Variants in SH3BGR observed in about 807,000 individuals in gnomAD.
SH3BGR encodes the protein SH3 domain-binding glutamic acid-rich protein.
Under a neutral mutation model 24.5 loss-of-function variants are expected in SH3BGR, and 29 were observed. The observed-to-expected ratio is 1.18, with a 90% confidence interval of 0.88 to 1.61. The LOEUF (loss-of-function observed/expected upper bound fraction) is 1.61, where lower values mean the gene tolerates loss of function less well. Ranked by LOEUF, SH3BGR falls within the 40% of genes most tolerant of loss-of-function variation. The pLI, the probability that SH3BGR is intolerant of heterozygous loss-of-function variation, is 0.00. For missense variants in SH3BGR, 162 were observed against 205.8 expected (o/e 0.79, Z 1.30); for synonymous variants, 55 against 65.7 (o/e 0.84, Z 0.79).
chr21:39,510,365 T>TACGCGCAC (rs1555915353), intron 5 of SH3BGR, among the ~76,000 whole-genome samples: 2,789 of 115,666 alleles, frequency 0.024, 145 homozygotes, highest in African/African-American at 0.084. Flanking sequence ...TGTAGCTACA[T>TACGCGCAC]ACACACACAC....
At chr21:39,449,113 C>T (rs2038123131), upstream of SH3BGR, among the ~76,000 whole-genome samples, 1 of 152,190 alleles carries the variant, frequency 6.6e-6, no homozygotes, top group Admixed American at 6.5e-5. Context: ...CCAAGGTGAA[C>T]ATGGAATGTA....
At chr21:39,452,904 A>G (rs1357378663) in intron 1 of SH3BGR, among the ~76,000 whole-genome samples, 1 of 152,188 alleles carries the variant, frequency 6.6e-6, no homozygotes, top group Non-Finnish European at 1.5e-5. Context: ...GCTTGAACCT[A>G]TATAGTGTCT....
chr21:39,510,775 A>C (rs1245979246), intron 5 of SH3BGR, among the ~76,000 whole-genome samples: 1 of 151,278 alleles, frequency 6.6e-6, no homozygotes, highest in African/African-American at 2.4e-5. Context: ...ATTCCAGATT[A>C]TATATATAGG....
chr21:39,496,449 G>A (rs979760623), intron 3 of SH3BGR, among the ~76,000 whole-genome samples: 7 of 149,078 alleles, frequency 4.7e-5, no homozygotes, highest in Non-Finnish European at 8.9e-5. Flanking sequence ...GCAGTGAGCC[G>A]AGATTGCGCC....
chr21:39,485,530 A>G (rs1481759350), intron 3 of SH3BGR, among the ~76,000 whole-genome samples: 1 of 152,190 alleles, frequency 6.6e-6, no homozygotes, highest in African/African-American at 2.4e-5. Context: ...AAAAATTACT[A>G]TCATCCCTCA....
chr21:39,464,594 G>A (rs1263681970), intron 2 of SH3BGR, among the ~76,000 whole-genome samples: 2 of 152,190 alleles, frequency 1.3e-5, no homozygotes, highest in Non-Finnish European at 2.9e-5. Flanking sequence ...CCAGCAGAGG[G>A]CTATACAAAC....
At chr21:39,486,878 G>A (rs2078220605) in intron 3 of SH3BGR, among the ~76,000 whole-genome samples, 1 of 152,108 alleles carries the variant, frequency 6.6e-6, no homozygotes, top group Admixed American at 6.5e-5. Flanking sequence ...ACCACGTCCA[G>A]CTAATTTTTG....
At chr21:39,466,547 T>A (rs1354178407) in intron 2 of SH3BGR, among the ~76,000 whole-genome samples, 1 of 152,192 alleles carries the variant, frequency 6.6e-6, no homozygotes, top group Non-Finnish European at 1.5e-5. Flanking sequence ...TTTAATTGAC[T>A]CACAGTTCAG....
Position 39,451,996 on chromosome 21 carries a change from C to T in SH3BGR, c.-101C>T. On this transcript the variant is annotated 5_prime_UTR_variant, in exon 1 of 7. Transcript: ENST00000333634. ...GTGGACCCCTGGGCTGCTGCCAGCC[C>T]CGACCTGGCACTTGCTTGCCTGTGT... The T allele has an allele frequency of 2.5e-6, 4 of 1,614,184 alleles. No individual in the cohort carries two copies. Among genetic ancestry groups the T allele is most frequent in the Non-Finnish European group, 3.4e-6 (4 of 1,180,016 alleles).
intron 4 of SH3BGR, among the ~76,000 whole-genome samples, chr21:39,501,838 G>A (rs1202066244): frequency 6.6e-6 from 1 of 152,218 alleles, no homozygotes; most frequent in South Asian, 2.1e-4. Context: ...TGTGCTTCAA[G>A]AACCTACTGG....
At chr21:39,484,416 T>C (rs1277050406) in intron 3 of SH3BGR, among the ~76,000 whole-genome samples, 24 of 152,360 alleles carry the variant, frequency 1.6e-4, no homozygotes. Flanking sequence ...GGTTTGTTTA[T>C]TGTAACTTGC....
chr21:39,508,877 A>G, intron 4 of SH3BGR, 121 bp from the exon 5 acceptor site: 2 of 640,650 alleles, frequency 3.1e-6, no homozygotes, highest in Non-Finnish European at 5.3e-6. Context: ...TTTATGGATA[A>G]ACTAATGTGT....
chr21:39,470,244 CCTTA>C (rs1048998210), intron 2 of SH3BGR, among the ~76,000 whole-genome samples: 1 of 151,738 alleles, frequency 6.6e-6, no homozygotes, highest in African/African-American at 2.4e-5. Context: ...TAATCAGTAA[CCTTA>C]CTTTTGTCCC....
chr21:39,507,766 C>G (rs1411217641), intron 4 of SH3BGR, among the ~76,000 whole-genome samples: 1 of 152,188 alleles, frequency 6.6e-6, no homozygotes, highest in Non-Finnish European at 1.5e-5. Flanking sequence ...CCGCCTCTGC[C>G]TCTGGATGCC....
chr21:39,471,536 C>T (rs978024820), intron 2 of SH3BGR, among the ~76,000 whole-genome samples: 1 of 152,178 alleles, frequency 6.6e-6, no homozygotes, highest in Non-Finnish European at 1.5e-5. Flanking sequence ...GCTCTTCTCA[C>T]ACTGTTTTCA....
At position 39,511,503 on chromosome 21, in the gene SH3BGR, CATGTGTTTGTGTGGCATGTGTGGTGT is replaced by C. The variant is rs1432739389; in HGVS notation, c.436-176_436-151del. The stretch of plus-strand genomic sequence containing the variant: ...GTATGTGTGTGGGGTGTGTGTGTGG[CATGTGTTTGTGTGGCATGTGTGGTGT>C]GTGTATTTGTGTGTTGTGTGTGTTT... On this transcript the variant is annotated intron_variant, in intron 5 of 6. Transcript: ENST00000333634. This position sits in a 1 kb window ranked among gnomAD's most constrained non-coding sequence, Gnocchi z 4.2. Among the ~76,000 whole-genome samples the C allele has an allele frequency of 7.2e-6, 1 of 138,270 alleles. No individual in the cohort carries two copies. Among genetic ancestry groups the C allele is most frequent in the Non-Finnish European group, 1.6e-5 (1 of 63,486 alleles). 90.7% of individuals were successfully genotyped at this position (138,270 alleles called of 152,430 possible).
rs1450676992 is a variant in SH3BGR, at chr21:39,493,990, ATTAG to A, written c.313-5830_313-5827del. The stretch of plus-strand genomic sequence containing the variant: ...TCTGGAAACTTTGCTGAATTCTTTT[ATTAG>A]TTCTAAGAGCTTTTTGGAGGAGTCT... On this transcript the variant is annotated intron_variant, in intron 3 of 6. Transcript: ENST00000333634. Among the ~76,000 whole-genome samples the A allele has an allele frequency of 4.6e-5, 7 of 152,082 alleles. No homozygotes were observed. In the East Asian group the frequency reaches 1.3e-3, roughly 29 times the overall value.
chr21:39,510,373 CACACACACACACACACACTGTA>C (rs1569177977), intron 5 of SH3BGR, among the ~76,000 whole-genome samples: 13 of 146,026 alleles, frequency 8.9e-5, no homozygotes, highest in Non-Finnish European at 1.9e-4. Context: ...CATACACACA[CACACACACACACACACACTGTA>C]GCTACACACA....
rs1010144679 is a variant in SH3BGR at position 39,515,231 on chromosome 21, G to C, written c.*178G>C. Reference sequence around the variant, plus strand: ...TTAGATGTACATGGAGGTATCTCCCGAATCATACAAAATTAAATGTGAAGA... The same window carrying C: ...TTAGATGTACATGGAGGTATCTCCCCAATCATACAAAATTAAATGTGAAGA... On this transcript the variant is annotated 3_prime_UTR_variant, in exon 7 of 7. Coordinates refer to ENST00000333634, the MANE Select transcript of SH3BGR (RefSeq NM_007341.3). 2.5e-5 allele frequency: 10 copies of C among 403,008 alleles called. No individual in the cohort carries two copies. The Admixed American group carries it at 3.2e-4, about 13-fold the overall frequency. The allele number at this position is 403,008 out of a possible 1,614,324, so 25.0% of individuals were successfully genotyped here. A position where few individuals can be genotyped will look rare whatever the true frequency, so the allele number is the denominator to read the frequency against.
Sources: gnomAD v4.1 joint callset for allele counts (sites outside exome capture counted in the v4.1 genomes callset) on GRCh38, gnomAD v4.1.1 for gene constraint, Gnocchi (gnomAD v3.1) non-coding constraint, MANE v1.5 for transcripts, NCBI Gene and HGNC (gene_info 2026-07-23, HGNC 2026-07-21) for gene names.